Variants in SPMAP2L observed in about 807,000 individuals in gnomAD.
SPMAP2L encodes sperm microtubule associated protein 2 like, also known as sperm microtubule associated protein 2-like.
the SPMAP2L span, among the ~76,000 whole-genome samples, chr4:56,606,015 C>T: frequency 3.3e-5 from 5 of 152,164 alleles, no homozygotes; most frequent in Non-Finnish European, 7.3e-5. Context: ...GTCCCCCTCC[C>T]CTTCCTAAAC....
the SPMAP2L span, among the ~76,000 whole-genome samples, chr4:56,587,988 C>T: frequency 0.39 from 58,945 of 152,066 alleles, 12,277 homozygotes; most frequent in Admixed American, 0.46. Context: ...CTACTGTTTT[C>T]GGATTTTTTG....
the SPMAP2L span, among the ~76,000 whole-genome samples, chr4:56,598,220 A>AT: frequency 6.6e-6 from 1 of 152,312 alleles, no homozygotes; most frequent in East Asian, 1.9e-4. Flanking sequence ...CATCCTAGGT[A>AT]TTTTACCAAT....
the SPMAP2L span, chr4:56,593,522 C>A: frequency 6.3e-7 from 1 of 1,598,292 alleles, no homozygotes; most frequent in South Asian, 1.1e-5. Flanking sequence ...GGGAGCCTGG[C>A]CTGCTGTGTG....
At chr4:56,557,111 T>C in the SPMAP2L span, among the ~76,000 whole-genome samples, 1 of 151,156 alleles carries the variant, frequency 6.6e-6, no homozygotes, top group Non-Finnish European at 1.5e-5. Context: ...TAGCCAGGCA[T>C]GGTGGCACGT....
the SPMAP2L span, among the ~76,000 whole-genome samples, chr4:56,569,509 T>A: frequency 6.6e-6 from 1 of 152,134 alleles, no homozygotes; most frequent in African/African-American, 2.4e-5. Flanking sequence ...AGTTTTTTTT[T>A]TAAAAAAATG....
the SPMAP2L span, among the ~76,000 whole-genome samples, chr4:56,601,923 A>G: frequency 3.3e-5 from 5 of 152,344 alleles, no homozygotes; most frequent in African/African-American, 7.2e-5. Context: ...CATGGGCCAT[A>G]TATTTGTTTG....
chr4:56,593,360 G>T, the SPMAP2L span: 124 of 1,218,638 alleles, frequency 1.0e-4, no homozygotes, highest in Admixed American at 2.4e-4. Flanking sequence ...GTCCAGACTC[G>T]AGCCAAATAT....
At chr4:56,620,268 T>A in the SPMAP2L span, among the ~76,000 whole-genome samples, 1 of 152,200 alleles carries the variant, frequency 6.6e-6, no homozygotes, top group Non-Finnish European at 1.5e-5. Flanking sequence ...TCCTTGGGAA[T>A]TTTTTATGCT....
chr4:56,546,829 G>A, the SPMAP2L span, among the ~76,000 whole-genome samples: 1 of 149,842 alleles, frequency 6.7e-6, no homozygotes, highest in Non-Finnish European at 1.5e-5. Flanking sequence ...TAGAATAAGT[G>A]CTGCAACTTT....
the SPMAP2L span, among the ~76,000 whole-genome samples, chr4:56,567,726 G>C: frequency 3.3e-5 from 5 of 152,120 alleles, no homozygotes; most frequent in African/African-American, 1.2e-4. Flanking sequence ...CTGCCTCACT[G>C]TCTCCATTAT....
At chr4:56,625,307 A>G in the SPMAP2L span, among the ~76,000 whole-genome samples, 4 of 152,322 alleles carry the variant, frequency 2.6e-5, no homozygotes, top group South Asian at 8.3e-4. Context: ...CATAGGAGGA[A>G]GGGATTTGCC....
chr4:56,605,581 T>C, the SPMAP2L span, among the ~76,000 whole-genome samples: 1 of 152,212 alleles, frequency 6.6e-6, no homozygotes, highest in East Asian at 1.9e-4. Context: ...TGCTTGTCTC[T>C]TTAAATCACC....
At chr4:56,544,460 CTA>C in the SPMAP2L span, among the ~76,000 whole-genome samples, 1 of 152,106 alleles carries the variant, frequency 6.6e-6, no homozygotes, top group African/African-American at 2.4e-5. Flanking sequence ...TCACTGGAAA[CTA>C]TTTTTTTTAA....
the SPMAP2L span, among the ~76,000 whole-genome samples, chr4:56,540,669 AAAAG>A: frequency 2.0e-5 from 3 of 152,166 alleles, no homozygotes; most frequent in Non-Finnish European, 4.4e-5. Context: ...AGAAAGAAAG[AAAAG>A]AAAGACAGCC....
chr4:56,601,229 A>T, the SPMAP2L span: 1 of 993,814 alleles, frequency 1.0e-6, no homozygotes, highest in Admixed American at 2.9e-5. Context: ...CTTCCAAAAC[A>T]TCTTACTTAA....
At chr4:56,591,027 G>A in the SPMAP2L span, among the ~76,000 whole-genome samples, 2 of 152,232 alleles carry the variant, frequency 1.3e-5, no homozygotes, top group South Asian at 2.1e-4. Flanking sequence ...AATGATACCC[G>A]AGGTGATGAA....
At chr4:56,584,647 T>C in the SPMAP2L span, 1,925 of 1,385,110 alleles carry the variant, frequency 1.4e-3, 21 homozygotes, top group African/African-American at 0.023. Flanking sequence ...AGTTCCTGAT[T>C]GACTTGTAAC....
the SPMAP2L span, among the ~76,000 whole-genome samples, chr4:56,604,875 CA>C: frequency 6.6e-6 from 1 of 151,884 alleles, no homozygotes; most frequent in Non-Finnish European, 1.5e-5. Flanking sequence ...AGTTGGAGGC[CA>C]TTATTCTAAG....
chr4:56,563,090 C>T, the SPMAP2L span, among the ~76,000 whole-genome samples: 67 of 98,256 alleles, frequency 6.8e-4, no homozygotes, highest in South Asian at 1.2e-3. Context: ...GTTGTTAAGG[C>T]TTTTTTTTTT....
Sources: allele counts gnomAD v4.1 joint callset (sites outside exome capture counted in the v4.1 genomes callset), GRCh38; gene constraint gnomAD v4.1.1; transcripts MANE v1.5; gene names NCBI Gene and HGNC (gene_info 2026-07-23, HGNC 2026-07-21).